The following ELAVL2 variants were observed in gnomAD, a reference collection of about 807,000 sequenced individuals.
ELAVL2 encodes ELAV-like protein 2.
Under a neutral mutation model 34.6 loss-of-function variants are expected in ELAVL2, and 4 were observed. That is an observed-to-expected ratio of 0.12 (90% confidence interval 0.06 to 0.26). The LOEUF is 0.26. Among genes scored for constraint, ELAVL2 ranks in the 10% least tolerant of loss-of-function variants. ELAVL2 has a pLI of 1.00. For synonymous variants in ELAVL2, 193 were observed against 154.8 expected (o/e 1.25, Z -1.83); for missense variants, 432 against 442.8 (o/e 0.98, Z 0.22).
intron 4 of ELAVL2, among the ~76,000 whole-genome samples, chr9:23,701,947 G>C (rs941373889): frequency 6.6e-6 from 1 of 152,004 alleles, no homozygotes; most frequent in Non-Finnish European, 1.5e-5. Flanking sequence ...ATAGTGTACC[G>C]GAGTTCCATT....
At chr9:23,698,710 C>G (rs1215717652) in intron 5 of ELAVL2, among the ~76,000 whole-genome samples, 1 of 152,086 alleles carries the variant, frequency 6.6e-6, no homozygotes, top group East Asian at 1.9e-4. Context: ...ACAAAACAAG[C>G]AAGCCCTTAA....
chr9:23,692,590 G>C lies in ELAVL2; in HGVS notation c.1047C>G (p.Val349=), dbSNP rs1342203604. 1.2e-6 allele frequency: 2 copies of C among 1,614,050 alleles called. No homozygotes were observed. The highest frequency in any genetic ancestry group is 4.5e-5 in the East Asian group (2 of 44,862). Residue 349 remains valine (V), a synonymous_variant, in exon 7 of 7, where the codon GTC becomes GTG. Coordinates refer to ENST00000397312, the MANE Select transcript of ELAVL2 (RefSeq NM_004432.5). ...GYRLGDRVLQ[V]SFKTNKTHKA ...TGTGCGTTTTGTTTGTCTTAAAGGA[G>C]ACCTGCAGTACTCTGTCTCCCAGAC...
intron 1 of ELAVL2, among the ~76,000 whole-genome samples, chr9:23,786,800 A>AG (rs2059740255): frequency 1.4e-5 from 2 of 146,576 alleles, no homozygotes; most frequent in African/African-American, 4.9e-5. Context: ...AAAAAAAAAA[A>AG]AAAGAGAGAG....
At chr9:23,840,969 A>C in the ELAVL2 span, among the ~76,000 whole-genome samples, 1 of 152,170 alleles carries the variant, frequency 6.6e-6, no homozygotes, top group South Asian at 2.1e-4. Flanking sequence ...TGACCACCCC[A>C]CAAGTTACTC....
At chr9:23,730,997 A>G (rs2046388199) in intron 3 of ELAVL2, 25 bp downstream of exon 3, 1 of 1,583,950 alleles carries the variant, frequency 6.3e-7, no homozygotes, top group African/African-American at 1.4e-5. Flanking sequence ...TTCCGCAAGT[A>G]GATATAAAAA....
intron 4 of ELAVL2, among the ~76,000 whole-genome samples, chr9:23,702,785 G>C (rs2133216365): frequency 6.6e-6 from 1 of 151,592 alleles, no homozygotes; most frequent in African/African-American, 2.4e-5. Flanking sequence ...AAATTGCAGG[G>C]TTTCATTTTT....
chr9:23,728,231 A>G (rs2045721549), intron 3 of ELAVL2, among the ~76,000 whole-genome samples: 1 of 152,086 alleles, frequency 6.6e-6, no homozygotes, highest in Non-Finnish European at 1.5e-5. Flanking sequence ...GGTAAAGAAT[A>G]TAGACTTCAA....
chr9:23,708,051 T>C (rs1002438175), intron 3 of ELAVL2, among the ~76,000 whole-genome samples: 16 of 143,796 alleles, frequency 1.1e-4, no homozygotes, highest in Non-Finnish European at 2.0e-4. Flanking sequence ...ATGTGATTTT[T>C]TTTTTCCCCA....
At chr9:23,787,405 T>C (rs923036638) in intron 1 of ELAVL2, among the ~76,000 whole-genome samples, 5 of 151,890 alleles carry the variant, frequency 3.3e-5, no homozygotes, top group African/African-American at 1.2e-4. Flanking sequence ...CTAATTTTTC[T>C]ATTTTTAATA....
At chr9:23,830,329 C>T (rs1204486976), upstream of ELAVL2, 2 of 152,136 alleles carry the variant, frequency 1.3e-5, no homozygotes, top group Admixed American at 6.6e-5. Flanking sequence ...CAAACACTTT[C>T]GTTAGGGACA....
chr9:23,711,614 A>G (rs1021333368), intron 3 of ELAVL2, among the ~76,000 whole-genome samples: 1 of 152,298 alleles, frequency 6.6e-6, no homozygotes, highest in African/African-American at 2.4e-5. Context: ...GGTATCACCT[A>G]GTCCCTAAAG....
chr9:23,767,929 G>A (rs1417565785), intron 1 of ELAVL2, among the ~76,000 whole-genome samples: 1 of 152,154 alleles, frequency 6.6e-6, no homozygotes, highest in Admixed American at 6.5e-5. Context: ...CAGGGCTGCT[G>A]AAAGGGCCAA....
At chr9:23,821,450 C>T (rs528937315) in intron 1 of ELAVL2, 2 of 152,420 alleles carry the variant, frequency 1.3e-5, no homozygotes, top group South Asian at 2.1e-4. Context: ...CTCCGCCGCC[C>T]CCACCAGTGT....
At chr9:23,709,668 T>C (rs1205244862) in intron 3 of ELAVL2, among the ~76,000 whole-genome samples, 1 of 152,224 alleles carries the variant, frequency 6.6e-6, no homozygotes, top group Non-Finnish European at 1.5e-5. Context: ...GAGGTCAAAA[T>C]AGCCTCTTTC....
chr9:23,754,506 G>C (rs948176432), intron 2 of ELAVL2, among the ~76,000 whole-genome samples: 2 of 151,724 alleles, frequency 1.3e-5, no homozygotes, highest in Non-Finnish European at 2.9e-5. Context: ...AGGCTGAAAT[G>C]CAAGTGCGGT....
chr9:23,772,470 TA>T (rs1360610186), intron 1 of ELAVL2, among the ~76,000 whole-genome samples: 5 of 150,728 alleles, frequency 3.3e-5, no homozygotes, highest in African/African-American at 1.2e-4. Context: ...TTTTCACTGT[TA>T]TTTAGCAGGA....
At chr9:23,816,346 A>AAG (rs754346684) in intron 1 of ELAVL2, among the ~76,000 whole-genome samples, 15 of 130,966 alleles carry the variant, frequency 1.1e-4, no homozygotes, top group African/African-American at 2.4e-4. Context: ...AAAAAAAAAA[A>AAG]GGGGATAAAA....
chr9:23,779,979 T>TAAAAAAAAAAAAAAAAA (rs61251366), intron 1 of ELAVL2, among the ~76,000 whole-genome samples: 1 of 48,256 alleles, frequency 2.1e-5, no homozygotes, highest in Admixed American at 3.0e-4. Context: ...TAGTGTTCCT[T>TAAAAAAAAAAAAAAAAA]AAAAAAAAAA....
At chr9:23,694,139 T>A (rs1318908571) in intron 5 of ELAVL2, among the ~76,000 whole-genome samples, 1 of 152,122 alleles carries the variant, frequency 6.6e-6, no homozygotes, top group Non-Finnish European at 1.5e-5. Context: ...CACTCCAGTG[T>A]GCAACAAAGC....
Sources: gnomAD v4.1 joint callset for allele counts (sites outside exome capture counted in the v4.1 genomes callset) on GRCh38, gnomAD v4.1.1 for gene constraint, MANE v1.5 for transcripts, NCBI Gene and HGNC (gene_info 2026-07-23, HGNC 2026-07-21) for gene names.